Variants in EBF1 observed in about 807,000 individuals in gnomAD.
EBF1 encodes EBF transcription factor 1.
In EBF1, 10 loss-of-function variants were observed where a neutral mutation model predicts 68.4. That is an observed-to-expected ratio of 0.15 (90% CI 0.09 to 0.25). EBF1 has a LOEUF of 0.25. Ranked by LOEUF, EBF1 falls within the 10% of genes least tolerant of loss-of-function variation. The probability of loss-of-function intolerance (pLI) is 1.00; values close to 1 mark genes in which losing one functional copy is unlikely to be tolerated. For synonymous variants in EBF1, 298 were observed against 299.8 expected, an observed-to-expected ratio of 0.99 and a Z score of 0.06; for missense variants, 509 against 794.4, an observed-to-expected ratio of 0.64 and a Z score of 4.32.
intron 10 of EBF1, among the ~76,000 whole-genome samples, chr5:158,773,466 T>C (rs1445413021): frequency 6.6e-6 from 1 of 152,114 alleles, no homozygotes; most frequent in Admixed American, 6.5e-5. Flanking sequence ...AAAGATCTGA[T>C]AAGTGACCTA....
intron 6 of EBF1, among the ~76,000 whole-genome samples, chr5:158,848,038 TTAC>T (rs1475982471): frequency 7.2e-5 from 11 of 152,188 alleles, no homozygotes. Flanking sequence ...AACTTAGCAG[TTAC>T]TACAGCAAAC....
At chr5:158,913,345 T>C (rs1010849451) in intron 6 of EBF1, among the ~76,000 whole-genome samples, 1 of 152,236 alleles carries the variant, frequency 6.6e-6, no homozygotes, top group African/African-American at 2.4e-5. Flanking sequence ...GCTTCATGGT[T>C]CTAAAGCTGA....
intron 6 of EBF1, among the ~76,000 whole-genome samples, chr5:158,876,280 G>C (rs184233960): frequency 6.6e-6 from 1 of 152,196 alleles, no homozygotes. Flanking sequence ...CCTCTAATAG[G>C]TAGTATTATT....
intron 10 of EBF1, among the ~76,000 whole-genome samples, chr5:158,757,645 A>T (rs1224759334): frequency 6.6e-6 from 1 of 152,170 alleles, no homozygotes; most frequent in African/African-American, 2.4e-5. Flanking sequence ...TGCCAGTGTA[A>T]AAGTCCTGCC....
chr5:159,085,780 A>G (rs1052032194), intron 4 of EBF1, among the ~76,000 whole-genome samples: 1 of 152,104 alleles, frequency 6.6e-6, no homozygotes. Context: ...TTAATATAGT[A>G]TATATATCTT....
At chr5:158,964,848 C>T (rs924051580) in intron 6 of EBF1, among the ~76,000 whole-genome samples, 1 of 152,076 alleles carries the variant, frequency 6.6e-6, no homozygotes, top group Non-Finnish European at 1.5e-5. Context: ...CTGACATCTG[C>T]CTACAAGTAA....
Position 158,750,042 on chromosome 5 carries a change from A to T in EBF1, c.1037-18885T>A, listed in dbSNP as rs79342902. On this transcript the variant is annotated intron_variant, in intron 10 of 15. Coordinates refer to ENST00000313708, the MANE Select transcript of EBF1 (RefSeq NM_024007.5). The stretch of plus-strand genomic sequence containing the variant: ...GATTGTGGTTAGCATAACACTGGTA[A>T]ATCTAACATTAATGCTCTGTCAAAA... Among the ~76,000 whole-genome samples, 1,268 of 152,242 alleles carry T rather than the reference A, an allele frequency of 8.3e-3. 13 individuals carry two copies. The highest frequency in any genetic ancestry group is 0.029 in the African/African-American group (1,197 of 41,538).
At chr5:158,975,338 A>G (rs757234921) in intron 6 of EBF1, among the ~76,000 whole-genome samples, 1 of 152,196 alleles carries the variant, frequency 6.6e-6, no homozygotes, top group Admixed American at 6.5e-5. Flanking sequence ...TGCTGTGTTT[A>G]CTGAGACAAG....
At chr5:158,963,286 C>CA (rs1016155730) in intron 6 of EBF1, among the ~76,000 whole-genome samples, 19 of 151,646 alleles carry the variant, frequency 1.3e-4, no homozygotes, top group Admixed American at 2.6e-4. Context: ...AGGTTTACCA[C>CA]AAAAAAAACA....
At chr5:158,924,988 C>T (rs1276713662) in intron 6 of EBF1, among the ~76,000 whole-genome samples, 1 of 152,058 alleles carries the variant, frequency 6.6e-6, no homozygotes, top group Non-Finnish European at 1.5e-5. Flanking sequence ...CCACTCCTGC[C>T]TACTCCTCTA....
chr5:158,760,837 C>T (rs905124560), intron 10 of EBF1, among the ~76,000 whole-genome samples: 14 of 151,880 alleles, frequency 9.2e-5, no homozygotes, highest in African/African-American at 4.8e-5. Context: ...CTTTTTTATC[C>T]GCTTCTCCAT....
intron 8 of EBF1, among the ~76,000 whole-genome samples, chr5:158,819,661 C>A (rs1415975886): frequency 6.6e-6 from 1 of 152,178 alleles, no homozygotes; most frequent in East Asian, 1.9e-4. Flanking sequence ...CCACTCAGCT[C>A]CTTTCATCCC....
At chr5:158,837,801 G>C (rs1789169181) in intron 7 of EBF1, among the ~76,000 whole-genome samples, 1 of 152,100 alleles carries the variant, frequency 6.6e-6, no homozygotes, top group Admixed American at 6.5e-5. Context: ...AAACTCTGCT[G>C]CCCTAAGAGG....
At position 159,078,498 on chromosome 5, in the gene EBF1, C is replaced by T. The variant is rs144652158; in HGVS notation, c.486-5034G>A. 1.3e-3 allele frequency among the ~76,000 whole-genome samples: 204 copies of T among 152,332 alleles called. 1 individual carries two copies. The highest frequency in any genetic ancestry group is 4.5e-3 in the African/African-American group (189 of 41,570). The stretch of plus-strand genomic sequence containing the variant: ...TACTGTGTGACTGATGGACCTTCAT[C>T]CGTTCAAAGCACTATTTTTTAGGCT... On this transcript the variant is annotated intron_variant, in intron 5 of 15. Transcript: ENST00000313708.
chr5:158,796,385 C>T lies in EBF1; in HGVS notation c.869G>A (p.Gly290Glu), dbSNP rs146008750. 1 of 1,613,538 alleles carries T rather than the reference C, an allele frequency of 6.2e-7. No homozygotes were observed. The highest frequency in any genetic ancestry group is 1.3e-5 in the African/African-American group (1 of 74,890). The change falls in exon 9 of 16, where the codon GGG becomes GAG. Residue 290 changes from glycine (G) to glutamate (E), a missense_variant. By Grantham distance (98) the Gly-to-Glu change is moderately conservative (BLOSUM62 -2). Transcript: ENST00000313708. ...CATGGTACCGAATATGACCTGTAAC[C>T]CATCAAAGAAATTGTCCCCTATGAT... ...VIIIGDNFFD[G>E]LQVIFGTMLV...
chr5:158,816,519 A>G (rs1783771726), intron 8 of EBF1, among the ~76,000 whole-genome samples: 2 of 152,230 alleles, frequency 1.3e-5, no homozygotes, highest in African/African-American at 4.8e-5. Context: ...TCCTTCACTG[A>G]CTTCACTCAG....
chr5:158,806,523 G>A (rs996574973), intron 8 of EBF1, among the ~76,000 whole-genome samples: 4 of 152,116 alleles, frequency 2.6e-5, no homozygotes, highest in African/African-American at 9.7e-5. Context: ...GAATGTGGGA[G>A]TCAAGCAGCT....
chr5:158,947,132 G>A (rs181548627), intron 6 of EBF1, among the ~76,000 whole-genome samples: 11 of 152,190 alleles, frequency 7.2e-5, no homozygotes, highest in Admixed American at 2.6e-4. Context: ...CTCCATGGGG[G>A]TGGGATCCAC....
chr5:158,950,560 A>G (rs900883190), intron 6 of EBF1, among the ~76,000 whole-genome samples: 2 of 152,338 alleles, frequency 1.3e-5, no homozygotes, highest in Non-Finnish European at 1.5e-5. Flanking sequence ...AAAAAGAAAT[A>G]CAAGAAGTCT....
Sources: allele counts gnomAD v4.1 joint callset (sites outside exome capture counted in the v4.1 genomes callset), GRCh38; gene constraint gnomAD v4.1.1; transcripts MANE v1.5; gene names NCBI Gene and HGNC (gene_info 2026-07-23, HGNC 2026-07-21).